Variants in AKIRIN1 observed in about 807,000 individuals in gnomAD.
AKIRIN1 encodes the protein akirin-1.
Under a neutral mutation model 25.9 loss-of-function variants are expected in AKIRIN1, and 4 were observed. That is an observed-to-expected ratio of 0.15 (90% CI 0.08 to 0.35). The LOEUF (loss-of-function observed/expected upper bound fraction) is 0.35, where lower values mean the gene tolerates loss of function less well. Ranked by LOEUF, AKIRIN1 falls within the 10% of genes least tolerant of loss-of-function variation. The pLI is 1.00. For synonymous variants in AKIRIN1, 125 were observed against 105.1 expected (o/e 1.19, Z -1.16); for missense variants, 243 against 266.1 (o/e 0.91, Z 0.61).
intron 1 of AKIRIN1, among the ~76,000 whole-genome samples, chr1:38,994,070 C>CA (rs796908682): frequency 2.8e-3 from 331 of 119,376 alleles, no homozygotes; most frequent in African/African-American, 7.2e-3. Context: ...AACTCCATCT[C>CA]AAAAAAAAAA....
At chr1:39,000,246 G>T (rs573521275) in intron 2 of AKIRIN1, among the ~76,000 whole-genome samples, 2 of 152,072 alleles carry the variant, frequency 1.3e-5, no homozygotes, top group South Asian at 4.2e-4. Context: ...GCCAGCTCCA[G>T]AACCAGGCTG....
At chr1:38,992,339 T>C (rs1643912791) in intron 1 of AKIRIN1, among the ~76,000 whole-genome samples, 1 of 152,162 alleles carries the variant, frequency 6.6e-6, no homozygotes, top group Admixed American at 6.6e-5. Context: ...GGACTGGCGT[T>C]ACAGTAGACA....
intron 3 of AKIRIN1, among the ~76,000 whole-genome samples, chr1:39,001,643 A>G (rs945514932): frequency 2.2e-4 from 33 of 152,200 alleles, no homozygotes; most frequent in Non-Finnish European, 4.4e-4. Flanking sequence ...GGCCTCAAGA[A>G]GTACTCCACC....
At chr1:38,995,343 G>C (rs1643939608) in intron 1 of AKIRIN1, among the ~76,000 whole-genome samples, 1 of 152,184 alleles carries the variant, frequency 6.6e-6, no homozygotes, top group Non-Finnish European at 1.5e-5. Flanking sequence ...GTAGCAGTAG[G>C]AACACTGTAG....
chr1:38,997,001 A>G (rs1643952965), intron 1 of AKIRIN1, among the ~76,000 whole-genome samples: 1 of 152,208 alleles, frequency 6.6e-6, no homozygotes, highest in Non-Finnish European at 1.5e-5. Context: ...CTTATCAGGT[A>G]GGTATTTAAT....
chr1:38,991,562 C>G lies in AKIRIN1; in HGVS notation c.182C>G (p.Pro61Arg). Residue 61 changes from proline to arginine, a missense_variant, in exon 1 of 5, where the codon CCC becomes CGC. By Grantham distance (103) the Pro-to-Arg change is moderately radical (BLOSUM62 -2). Coordinates refer to ENST00000432648, the MANE Select transcript of AKIRIN1 (RefSeq NM_024595.3). Reference sequence around the variant, plus strand: ...ACCCCACCGCAGAGTCTGCAGCAGCCCGCCCCGCCCGGCAGCGAGCGGCGC... The same window carrying G: ...ACCCCACCGCAGAGTCTGCAGCAGCGCGCCCCGCCCGGCAGCGAGCGGCGC... ...TQTPPQSLQQPAPPGSERRLP... is the reference protein window; with the variant it reads ...TQTPPQSLQQRAPPGSERRLP... The G allele has an allele frequency of 1.5e-6, 2 of 1,378,390 alleles. No homozygotes were observed. Among genetic ancestry groups the G allele is most frequent in the Middle Eastern group, 2.6e-4 (1 of 3,774 alleles). 85.4% of individuals were successfully genotyped at this position (1,378,390 alleles called of 1,614,324 possible). A position where few individuals can be genotyped will look rare whatever the true frequency, so the allele number is the denominator to read the frequency against.
rs1204883564 is a variant in AKIRIN1 at position 38,991,513 on chromosome 1, C to T, written c.133C>T (p.Pro45Ser). ...GGGCCTCAGGCCCCCGGACGCCGAG[C>T]CGCCGCCGCCGTTTCAGACGCAGAC... Reference protein sequence around the residue: ...TPGLRPPDAEPPPPFQTQTPP... With the variant: ...TPGLRPPDAESPPPFQTQTPP... The change falls in exon 1 of 5, where the codon CCG becomes TCG. Residue 45 changes from proline (P) to serine (S), a missense_variant. Pro to Ser is a moderately conservative substitution (Grantham distance 74, BLOSUM62 -1). Transcript: ENST00000432648. 2 of 1,450,140 alleles carry T rather than the reference C, an allele frequency of 1.4e-6. No homozygotes were observed. The highest frequency in any genetic ancestry group is 5.0e-5 in the Admixed American group (2 of 40,346). 89.8% of individuals were successfully genotyped at this position (1,450,140 alleles called of 1,614,324 possible). A position where few individuals can be genotyped will look rare whatever the true frequency, so the allele number is the denominator to read the frequency against.
chr1:38,995,471 T>A (rs968125368), intron 1 of AKIRIN1, among the ~76,000 whole-genome samples: 8 of 152,194 alleles, frequency 5.3e-5, no homozygotes, highest in South Asian at 2.1e-4. Flanking sequence ...TTTAAAAAAA[T>A]TTTGTGCTTT....
At chr1:38,997,766 C>G (rs4147763) in intron 1 of AKIRIN1, among the ~76,000 whole-genome samples, 1 of 151,976 alleles carries the variant, frequency 6.6e-6, no homozygotes, top group South Asian at 2.1e-4. Flanking sequence ...TGTGAAATTG[C>G]GAAATTTAAA....
At chr1:38,999,188 C>A (rs1282495649) in intron 2 of AKIRIN1, among the ~76,000 whole-genome samples, 1 of 152,206 alleles carries the variant, frequency 6.6e-6, no homozygotes, top group Non-Finnish European at 1.5e-5. Context: ...AATCTGTCTC[C>A]TTTAACAGTA....
Position 39,005,339 on chromosome 1 carries a change from C to G in AKIRIN1, c.*1284C>G, listed in dbSNP as rs1557644762. The G allele has an allele frequency of 6.6e-6, 1 of 151,348 alleles. No homozygotes were observed. Among genetic ancestry groups the G allele is most frequent in the Non-Finnish European group, 1.5e-5 (1 of 67,894 alleles). The allele number at this position is 151,348 out of a possible 1,614,324, so 9.4% of individuals were successfully genotyped here. A position where few individuals can be genotyped will look rare whatever the true frequency, so the allele number is the denominator to read the frequency against. On this transcript the variant is annotated 3_prime_UTR_variant, in exon 5 of 5. Coordinates refer to ENST00000432648, the MANE Select transcript of AKIRIN1 (RefSeq NM_024595.3). The stretch of plus-strand genomic sequence containing the variant: ...AAAAAAAAAACATAGAATTTGGATC[C>G]TTTGGTCGGGTTCTCCCAAATTCTT...
chr1:38,994,219 A>G (rs1373570759), intron 1 of AKIRIN1, among the ~76,000 whole-genome samples: 3 of 152,274 alleles, frequency 2.0e-5, no homozygotes, highest in Admixed American at 1.3e-4. Context: ...GGGGTAAGGG[A>G]TGTTCAATTG....
chr1:38,995,484 A>G (rs1643941204), intron 1 of AKIRIN1, among the ~76,000 whole-genome samples: 1 of 152,188 alleles, frequency 6.6e-6, no homozygotes, highest in Non-Finnish European at 1.5e-5. Flanking sequence ...TGTGCTTTAT[A>G]TGGCCTTCTA....
chr1:39,000,824 T>G, intron 2 of AKIRIN1, 148 bp from the exon 3 acceptor site: 3 of 842,602 alleles, frequency 3.6e-6, no homozygotes, highest in Non-Finnish European at 3.5e-6. Context: ...GCCCAGCTAA[T>G]TTTGTATTTT....
chr1:38,992,438 A>G (rs7553434), intron 1 of AKIRIN1, among the ~76,000 whole-genome samples: 29,143 of 152,096 alleles, frequency 0.19, 3,383 homozygotes, highest in East Asian at 0.45. Context: ...GGGCGTCTCA[A>G]TAATGGATTT....
At chr1:38,997,216 T>G (rs1350275977) in intron 1 of AKIRIN1, among the ~76,000 whole-genome samples, 1 of 152,182 alleles carries the variant, frequency 6.6e-6, no homozygotes, top group African/African-American at 2.4e-5. Context: ...AACAAAGAAC[T>G]TGAAAACCAC....
Position 39,004,407 on chromosome 1 carries a change from G to GC in AKIRIN1, c.*352_*353insC. On this transcript the variant is annotated 3_prime_UTR_variant, in exon 5 of 5. Coordinates refer to ENST00000432648, the MANE Select transcript of AKIRIN1 (RefSeq NM_024595.3). ...AGTGCGTGTGAGAGTGTGTGTATAT[G>GC]TGTGTATGTGTATTTTAAGTTATTA... 1 of 389,930 alleles carries GC rather than the reference G, an allele frequency of 2.6e-6. No homozygotes were observed. Among genetic ancestry groups the GC allele is most frequent in the South Asian group, 2.6e-5 (1 of 38,266 alleles). 24.2% of individuals were successfully genotyped at this position (389,930 alleles called of 1,614,324 possible).
chr1:38,994,489 G>A (rs1212181244), intron 1 of AKIRIN1, among the ~76,000 whole-genome samples: 1 of 151,972 alleles, frequency 6.6e-6, no homozygotes, highest in African/African-American at 2.4e-5. Context: ...TCTGAATTAA[G>A]GTAGCATTTT....
chr1:38,995,705 T>C (rs1643942439), intron 1 of AKIRIN1, among the ~76,000 whole-genome samples: 1 of 152,238 alleles, frequency 6.6e-6, no homozygotes, highest in African/African-American at 2.4e-5. Context: ...GCAGTTCTTA[T>C]CCTTGTATTG....
Sources: gnomAD v4.1 joint callset for allele counts (sites outside exome capture counted in the v4.1 genomes callset) on GRCh38, gnomAD v4.1.1 for gene constraint, MANE v1.5 for transcripts, NCBI Gene and HGNC (gene_info 2026-07-23, HGNC 2026-07-21) for gene names.